Variants in PPM1H observed in about 807,000 individuals in gnomAD.
The protein encoded by PPM1H is protein phosphatase 1H.
PPM1H carries 27 observed loss-of-function variants against 54.9 expected under a neutral mutation model. The observed-to-expected ratio is 0.49, with a 90% CI of 0.36 to 0.68. The LOEUF is 0.68. Ranked by LOEUF, PPM1H falls within the 30% of genes least tolerant of loss-of-function variation. PPM1H has a pLI of 0.00. For synonymous variants in PPM1H, 305 were observed against 270.8 expected (o/e 1.13, Z -1.24); for missense variants, 596 against 667.8 (o/e 0.89, Z 1.19).
At chr12:62,812,827 C>A (rs1419433450) in intron 2 of PPM1H, among the ~76,000 whole-genome samples, 3 of 150,144 alleles carry the variant, frequency 2.0e-5, no homozygotes, top group African/African-American at 7.4e-5. Context: ...TTGGGCCTTT[C>A]AACAAATACA....
At chr12:62,725,375 A>G (rs1565769659) in intron 5 of PPM1H, among the ~76,000 whole-genome samples, 1 of 152,308 alleles carries the variant, frequency 6.6e-6, no homozygotes, top group Non-Finnish European at 1.5e-5. Flanking sequence ...AGCAGGTCAC[A>G]GGATCCTCAT....
intron 4 of PPM1H, chr12:62,755,753 AC>A: frequency 1.1e-6 from 1 of 883,746 alleles, no homozygotes. Flanking sequence ...CTCATGAATG[AC>A]CACAGTCCAT....
At chr12:62,772,349 G>T (rs987299148) in intron 4 of PPM1H, among the ~76,000 whole-genome samples, 2 of 152,164 alleles carry the variant, frequency 1.3e-5, no homozygotes, top group Non-Finnish European at 2.9e-5. Flanking sequence ...AGTTCCAAGT[G>T]CATGCTCATA....
chr12:62,668,869 G>A (rs1003849428), intron 8 of PPM1H, among the ~76,000 whole-genome samples: 5 of 152,356 alleles, frequency 3.3e-5, no homozygotes, highest in African/African-American at 7.2e-5. Context: ...GGCTAGTGAT[G>A]CCCTGGCATG....
rs890185821 is a variant in PPM1H, at chr12:62,682,720, T to C, written c.1245+6979A>G. ...GGTTTCATTATATTGTCCAAGCTGG[T>C]CTTGAACTCCTAGGCTCAGGTGATC... On this transcript the variant is annotated intron_variant, in intron 8 of 9. Transcript: ENST00000228705. Among the ~76,000 whole-genome samples, 10 of 152,266 alleles carry C rather than the reference T, an allele frequency of 6.6e-5. No individual in the cohort carries two copies. The East Asian group carries it at 1.9e-3, about 29-fold the overall frequency.
At chr12:62,927,864 A>G (rs1002965910) in intron 1 of PPM1H, among the ~76,000 whole-genome samples, 2 of 152,068 alleles carry the variant, frequency 1.3e-5, no homozygotes, top group African/African-American at 4.8e-5. Flanking sequence ...ATTAACAAAC[A>G]TTTTTCACTC....
At chr12:62,880,192 T>C (rs1162611825) in intron 1 of PPM1H, among the ~76,000 whole-genome samples, 2 of 152,202 alleles carry the variant, frequency 1.3e-5, no homozygotes, top group East Asian at 3.9e-4. Context: ...TCTGATATAA[T>C]TTAGATGTAA....
chr12:62,902,030 T>A (rs1871174025), intron 1 of PPM1H, among the ~76,000 whole-genome samples: 1 of 152,218 alleles, frequency 6.6e-6, no homozygotes, highest in African/African-American at 2.4e-5. Context: ...TAAAACCGAT[T>A]CAGAGGGATG....
At chr12:62,913,469 C>T (rs1184267176) in intron 1 of PPM1H, among the ~76,000 whole-genome samples, 2 of 152,150 alleles carry the variant, frequency 1.3e-5, no homozygotes, top group African/African-American at 4.8e-5. Context: ...GCATCCTACT[C>T]TGCCCTTCCA....
chr12:62,900,530 T>A (rs1396076970), intron 1 of PPM1H, among the ~76,000 whole-genome samples: 2 of 75,182 alleles, frequency 2.7e-5, no homozygotes, highest in East Asian at 3.2e-4. Context: ...GAACTTAAAA[T>A]GTAATAATAA....
In PPM1H at chr12:62,715,395, G is replaced by A. The variant is rs141033173; in HGVS notation, c.1073+4776C>T. Among the ~76,000 whole-genome samples the A allele has an allele frequency of 2.2e-3, 336 of 152,012 alleles. 1 individual carries two copies. The highest frequency in any genetic ancestry group is 7.5e-3 in the African/African-American group (312 of 41,460). On this transcript the variant is annotated intron_variant, in intron 6 of 9. Transcript: ENST00000228705. ...ATGAACTCAGCACTGGGGGCACTGC[G>A]AAGAGAATGGCTTTGTAAATCTAGC...
chr12:62,728,872 G>C (rs991739001), intron 5 of PPM1H, among the ~76,000 whole-genome samples: 9 of 152,164 alleles, frequency 5.9e-5, no homozygotes, highest in African/African-American at 1.7e-4. Flanking sequence ...ACAAAGATGG[G>C]GCTTTGAGGT....
intron 6 of PPM1H, 50 bp downstream of exon 6, chr12:62,720,121 T>G: frequency 1.4e-6 from 2 of 1,445,366 alleles, no homozygotes; most frequent in Non-Finnish European, 1.9e-6. Context: ...TGGTGATGCT[T>G]CCTTCACACA....
At chr12:62,771,829 C>T (rs2076581679) in intron 4 of PPM1H, among the ~76,000 whole-genome samples, 1 of 152,184 alleles carries the variant, frequency 6.6e-6, no homozygotes, top group African/African-American at 2.4e-5. Flanking sequence ...CACCCCGTTA[C>T]AATGTGAGTT....
At chr12:62,892,386 T>C (rs574953470) in intron 1 of PPM1H, among the ~76,000 whole-genome samples, 1 of 152,348 alleles carries the variant, frequency 6.6e-6, no homozygotes, top group South Asian at 2.1e-4. Context: ...ATTTGTCACC[T>C]AGGACGCAAT....
rs2076751620 is a variant in PPM1H, at chr12:62,799,106, ATTG to A, written c.756+2707_756+2709del. Among the ~76,000 whole-genome samples the A allele has an allele frequency of 1.3e-5, 2 of 152,338 alleles. 1 individual carries two copies. Among genetic ancestry groups the A allele is most frequent in the African/African-American group, 4.8e-5 (2 of 41,586 alleles). ...ATTACACATGAAAATGAAGCAAACA[ATTG>A]TTGTTTTTGCTGGTGACTAAGTTTC... is the stretch of plus-strand genomic sequence containing the variant. On this transcript the variant is annotated intron_variant, in intron 3 of 9. Transcript: ENST00000228705.
chr12:62,711,911 T>A (rs554360993), intron 6 of PPM1H, among the ~76,000 whole-genome samples: 1 of 152,104 alleles, frequency 6.6e-6, no homozygotes, highest in Non-Finnish European at 1.5e-5. Context: ...AAAGACCCCA[T>A]AGCTTCCACT....
chr12:62,736,260 G>T (rs2076348884), intron 5 of PPM1H, among the ~76,000 whole-genome samples: 1 of 152,192 alleles, frequency 6.6e-6, no homozygotes, highest in Non-Finnish European at 1.5e-5. Context: ...GTCAGGAAAG[G>T]TTAAGAAACT....
At chr12:62,900,737 A>T (rs575040060) in intron 1 of PPM1H, among the ~76,000 whole-genome samples, 1 of 152,260 alleles carries the variant, frequency 6.6e-6, no homozygotes, top group South Asian at 2.1e-4. Flanking sequence ...TGATTTTACA[A>T]AAAGGGAAGC....
Sources: gnomAD v4.1 joint callset for allele counts (sites outside exome capture counted in the v4.1 genomes callset) on GRCh38, gnomAD v4.1.1 for gene constraint, MANE v1.5 for transcripts, NCBI Gene and HGNC (gene_info 2026-07-23, HGNC 2026-07-21) for gene names.